Variants in CIRSR observed in about 807,000 individuals in gnomAD.
CIRSR encodes corepressor of RBPJ and splicing regulator.
chr2:174,380,977 C>A, the CIRSR span, among the ~76,000 whole-genome samples: 1 of 152,064 alleles, frequency 6.6e-6, no homozygotes, highest in Non-Finnish European at 1.5e-5. Flanking sequence ...AAAATTCAGA[C>A]TATTGCAGGA....
the CIRSR span, chr2:174,351,604 T>TAA: frequency 6.2e-7 from 1 of 1,600,288 alleles, no homozygotes; most frequent in Non-Finnish European, 8.5e-7. Context: ...AGCTTACTGA[T>TAA]AAAAAGATCA....
At chr2:174,363,821 C>T in the CIRSR span, among the ~76,000 whole-genome samples, 21 of 152,276 alleles carry the variant, frequency 1.4e-4, no homozygotes, top group East Asian at 3.3e-3. Flanking sequence ...GATTCAATTA[C>T]CTCCCACTGG....
the CIRSR span, chr2:174,349,039 TAGAGGA>T: frequency 6.3e-7 from 1 of 1,598,040 alleles, no homozygotes; most frequent in Non-Finnish European, 8.5e-7. Flanking sequence ...GAAGTCTCAG[TAGAGGA>T]AGAGGAGGAG....
the CIRSR span, chr2:174,387,501 G>A: frequency 1.9e-6 from 1 of 525,608 alleles, no homozygotes; most frequent in Non-Finnish European, 3.2e-6. Context: ...CGTGAATTAT[G>A]GGTAAAGCTG....
At chr2:174,360,002 T>G in the CIRSR span, among the ~76,000 whole-genome samples, 3 of 152,104 alleles carry the variant, frequency 2.0e-5, no homozygotes, top group Non-Finnish European at 4.4e-5. Flanking sequence ...TAGGTAGGAA[T>G]TGAACAATGA....
chr2:174,362,773 G>C, the CIRSR span, among the ~76,000 whole-genome samples: 31,827 of 147,624 alleles, frequency 0.22, 4,881 homozygotes, highest in East Asian at 0.64. Flanking sequence ...GAAAACTGGA[G>C]AGATAGGTAA....
the CIRSR span, chr2:174,381,837 T>A: frequency 8.7e-7 from 1 of 1,144,372 alleles, no homozygotes; most frequent in Non-Finnish European, 1.3e-6. Context: ...AATTATAGAA[T>A]AATCCACTCC....
chr2:174,354,454 T>C, the CIRSR span, among the ~76,000 whole-genome samples: 5 of 97,872 alleles, frequency 5.1e-5, no homozygotes, highest in East Asian at 1.0e-3. Context: ...TATTATATAA[T>C]ATAATATATA....
the CIRSR span, among the ~76,000 whole-genome samples, chr2:174,373,128 G>A: frequency 6.6e-6 from 1 of 152,106 alleles, no homozygotes; most frequent in Non-Finnish European, 1.5e-5. Context: ...CATCACAGAT[G>A]GTGAAAGTTA....
At chr2:174,388,637 T>C in the CIRSR span, among the ~76,000 whole-genome samples, 5 of 152,306 alleles carry the variant, frequency 3.3e-5, no homozygotes, top group South Asian at 8.3e-4. Context: ...TATATATATA[T>C]GCAAAAGAAC....
the CIRSR span, among the ~76,000 whole-genome samples, chr2:174,371,462 A>T: frequency 6.6e-6 from 1 of 152,248 alleles, no homozygotes; most frequent in Non-Finnish European, 1.5e-5. Flanking sequence ...ATTTAATTGT[A>T]TTGTAGTATA....
the CIRSR span, among the ~76,000 whole-genome samples, chr2:174,390,374 T>C: frequency 6.6e-6 from 1 of 152,216 alleles, no homozygotes; most frequent in African/African-American, 2.4e-5. Context: ...TGTAGCCCCT[T>C]TGTTTTGTCC....
the CIRSR span, among the ~76,000 whole-genome samples, chr2:174,382,356 C>G: frequency 6.6e-6 from 1 of 152,038 alleles, no homozygotes; most frequent in Non-Finnish European, 1.5e-5. Flanking sequence ...TAAAAGTCTG[C>G]AGCTGGGCAC....
chr2:174,348,634 G>C, the CIRSR span: 2 of 1,614,106 alleles, frequency 1.2e-6, no homozygotes, highest in East Asian at 4.5e-5. Context: ...CGCTGTGCCC[G>C]TTTCCTTGTC....
the CIRSR span, among the ~76,000 whole-genome samples, chr2:174,353,696 G>A: frequency 1.3e-5 from 2 of 152,176 alleles, no homozygotes; most frequent in Admixed American, 1.3e-4. Flanking sequence ...TCAAACTCCT[G>A]ACCTCGTGAT....
chr2:174,368,802 C>T, the CIRSR span, among the ~76,000 whole-genome samples: 1 of 152,214 alleles, frequency 6.6e-6, no homozygotes, highest in African/African-American at 2.4e-5. Context: ...GGCATCTTTT[C>T]TCCTGAGCAG....
At chr2:174,361,957 C>CTATGG in the CIRSR span, among the ~76,000 whole-genome samples, 2 of 151,992 alleles carry the variant, frequency 1.3e-5, no homozygotes, top group Non-Finnish European at 2.9e-5. Flanking sequence ...CCATATTATC[C>CTATGG]TATCTACTCA....
the CIRSR span, chr2:174,351,929 T>A: frequency 2.4e-6 from 1 of 418,242 alleles, no homozygotes; most frequent in African/African-American, 2.1e-5. Flanking sequence ...CATTTTTCTT[T>A]ACGTGCAAGG....
At chr2:174,366,945 T>A in the CIRSR span, among the ~76,000 whole-genome samples, 4 of 152,152 alleles carry the variant, frequency 2.6e-5, no homozygotes, top group East Asian at 7.7e-4. Flanking sequence ...GCTAAAAAAA[T>A]TTTTAGAGTA....
Sources: gnomAD v4.1 joint callset for allele counts (sites outside exome capture counted in the v4.1 genomes callset) on GRCh38, gnomAD v4.1.1 for gene constraint, MANE v1.5 for transcripts, NCBI Gene and HGNC (gene_info 2026-07-23, HGNC 2026-07-21) for gene names.